The following MAP3K4 variants were observed in gnomAD, a reference collection of about 807,000 sequenced individuals.
MAP3K4 encodes the protein MAP three kinase 1.
In MAP3K4, 67 loss-of-function variants were observed where a neutral mutation model predicts 185.6. That is an observed-to-expected ratio of 0.36 (90% CI 0.30 to 0.44). MAP3K4 has a LOEUF of 0.44. MAP3K4 is among the 20% of genes least tolerant of loss of function. The pLI is 1.00. For missense variants in MAP3K4, 1,551 were observed against 1,995.1 expected (o/e 0.78, Z 4.24); for synonymous variants, 702 against 710.4 (o/e 0.99, Z 0.19).
chr6:161,055,586 A>T (rs1784194475), intron 3 of MAP3K4, among the ~76,000 whole-genome samples: 1 of 152,184 alleles, frequency 6.6e-6, no homozygotes, highest in Admixed American at 6.5e-5. Context: ...TGGATTTCCC[A>T]CTTTTTCTAA....
chr6:161,078,551 C>T (rs1022069281), intron 5 of MAP3K4, among the ~76,000 whole-genome samples: 6 of 152,174 alleles, frequency 3.9e-5, no homozygotes, highest in Non-Finnish European at 7.3e-5. Context: ...TTGAACAAAT[C>T]TCCTGGAAGG....
chr6:160,993,705 G>A (rs1008709037), intron 1 of MAP3K4, among the ~76,000 whole-genome samples: 3 of 150,128 alleles, frequency 2.0e-5, no homozygotes, highest in Admixed American at 6.7e-5. Flanking sequence ...AAATGAAAAT[G>A]TGCTGCAAAA....
chr6:161,049,430 C>G lies in MAP3K4; in HGVS notation c.1158C>G (p.Phe386Leu). 1 of 1,614,090 alleles carries G rather than the reference C, an allele frequency of 6.2e-7. No homozygotes were observed. Among genetic ancestry groups the G allele is most frequent in the Non-Finnish European group, 8.5e-7 (1 of 1,179,990 alleles). The change falls in exon 3 of 27, where the codon TTC becomes TTG. Residue 386 changes from phenylalanine to leucine, a missense_variant. By Grantham distance (22) the Phe-to-Leu change is conservative. This residue lies in a region of MAP3K4 where 93 missense variants were observed against 96.7 expected (regional missense o/e 0.96). Transcript: ENST00000392142. This position sits in a 1 kb window ranked among gnomAD's most constrained non-coding sequence, Gnocchi z 8.4. ...KDYEKYAAKD[F>L]QDRVQALCLW... ...ATGAAAAATATGCTGCAAAAGACTT[C>G]CAGGACAGGGTGCAGGCACTCTGTT...
chr6:161,006,836 T>C (rs1009892270), intron 1 of MAP3K4, among the ~76,000 whole-genome samples: 1 of 151,708 alleles, frequency 6.6e-6, no homozygotes, highest in African/African-American at 2.4e-5. Context: ...AAATGTAACA[T>C]TCTCCAGTCC....
chr6:160,992,037 C>A lies in MAP3K4; in HGVS notation c.106C>A (p.Pro36Thr). 1 of 1,573,744 alleles carries A rather than the reference C, an allele frequency of 6.4e-7. No individual in the cohort carries two copies. The highest frequency in any genetic ancestry group is 8.6e-7 in the Non-Finnish European group (1 of 1,166,618). The change falls in exon 1 of 27, where the codon CCG becomes ACG. Residue 36 changes from proline to threonine, a missense_variant. This residue lies in a region of MAP3K4 where 287 missense variants were observed against 268.8 expected (regional missense o/e 1.07). Coordinates refer to ENST00000392142, the MANE Select transcript of MAP3K4 (RefSeq NM_005922.4). ...ACCGCCGCCGCCGCCACCACCGCCA[C>A]CGGAACCCGAGACCGAGTCAGAACC... is the stretch of plus-strand genomic sequence containing the variant. Reference protein sequence around the residue: ...PPPPPPPPPPPEPETESEPEC... With the variant: ...PPPPPPPPPPTEPETESEPEC...
rs1012015697 is a variant in MAP3K4, at chr6:161,056,426, G to T, written c.1707+6447G>T. On this transcript the variant is annotated intron_variant, in intron 3 of 26. Coordinates refer to ENST00000392142, the MANE Select transcript of MAP3K4 (RefSeq NM_005922.4). This position sits in a 1 kb window ranked among gnomAD's most constrained non-coding sequence, Gnocchi z 5.4. ...GTCTTCTAACCTGTGTATACACACA[G>T]ATTTATAATTCCCTATCTAAAATAA... Among the ~76,000 whole-genome samples the T allele has an allele frequency of 1.3e-5, 2 of 152,186 alleles. No individual in the cohort carries two copies. The highest frequency in any genetic ancestry group is 2.4e-5 in the African/African-American group (1 of 41,438).
At chr6:161,068,631 C>T (rs559901136) in intron 3 of MAP3K4, among the ~76,000 whole-genome samples, 26 of 152,236 alleles carry the variant, frequency 1.7e-4, no homozygotes, top group African/African-American at 3.9e-4. Context: ...AGTGGATTGA[C>T]GCGTTGTAAT....
rs1457091484 is a variant in MAP3K4, at chr6:161,017,056, G to A, written c.153-17203G>A. On this transcript the variant is annotated intron_variant, in intron 1 of 26. Transcript: ENST00000392142. This position sits in a 1 kb window ranked among gnomAD's most constrained non-coding sequence, Gnocchi z 5.1. The stretch of plus-strand genomic sequence containing the variant: ...ATGATATATATCTCGGGAGTATAAT[G>A]CTTTACTAAAGGTCTTGTGTGCACT... 1.3e-5 allele frequency among the ~76,000 whole-genome samples: 2 copies of A among 151,950 alleles called. No individual in the cohort carries two copies. Among genetic ancestry groups the A allele is most frequent in the African/African-American group, 4.8e-5 (2 of 41,338 alleles).
rs1022584375 is a variant in MAP3K4, at chr6:161,043,565, T to C, written c.344-5051T>C. On this transcript the variant is annotated intron_variant, in intron 2 of 26. Transcript: ENST00000392142. This position sits in a 1 kb window ranked among gnomAD's most constrained non-coding sequence, Gnocchi z 4.3. Reference sequence around the variant, plus strand: ...CATGTGTCTAACCATCTGTGTTCTGTGATAATCTTCATCATCATGTTGTTA... The same window carrying C: ...CATGTGTCTAACCATCTGTGTTCTGCGATAATCTTCATCATCATGTTGTTA... Among the ~76,000 whole-genome samples, 2 of 152,220 alleles carry C rather than the reference T, an allele frequency of 1.3e-5. No homozygotes were observed. Among genetic ancestry groups the C allele is most frequent in the Non-Finnish European group, 2.9e-5 (2 of 68,042 alleles).
rs1785383727 is a variant in MAP3K4 at position 161,080,240 on chromosome 6, G to C, written c.2098-641G>C. Among the ~76,000 whole-genome samples, 1 of 152,194 alleles carries C rather than the reference G, an allele frequency of 6.6e-6. No individual in the cohort carries two copies. The highest frequency in any genetic ancestry group is 2.4e-5 in the African/African-American group (1 of 41,442). On this transcript the variant is annotated intron_variant, in intron 5 of 26. Transcript: ENST00000392142. The surrounding 1 kb of genome is among the most constrained non-coding windows in gnomAD (Gnocchi z 4.8). ...AGAAGGTGGCCATTGCAAACCTGTT[G>C]AGAAAAACTGCTTGATAGTTGAACC...
At chr6:161,102,151 G>A (rs1777865369) in intron 18 of MAP3K4, among the ~76,000 whole-genome samples, 159 bp downstream of exon 18, 1 of 152,188 alleles carries the variant, frequency 6.6e-6, no homozygotes, top group Non-Finnish European at 1.5e-5. Flanking sequence ...AGCTTTATGA[G>A]AAGACTTACT....
At chr6:161,050,778 A>G (rs1019530849) in intron 3 of MAP3K4, among the ~76,000 whole-genome samples, 6 of 152,188 alleles carry the variant, frequency 3.9e-5, no homozygotes, top group Non-Finnish European at 8.8e-5. Context: ...TTTTCTGGTG[A>G]GTTTGCATGT....
Position 161,082,004 on chromosome 6 carries a change from G to A in MAP3K4, c.2255+966G>A, listed in dbSNP as rs1054201808. On this transcript the variant is annotated intron_variant, in intron 6 of 26. Transcript: ENST00000392142. This position sits in a 1 kb window ranked among gnomAD's most constrained non-coding sequence, Gnocchi z 4.2. ...TCAGCGTGACTTCTGCAGGACTCTA[G>A]CTTTAGCTTTGTTCTTGACTCTGCC... Among the ~76,000 whole-genome samples, 1 of 151,932 alleles carries A rather than the reference G, an allele frequency of 6.6e-6. No homozygotes were observed. The highest frequency in any genetic ancestry group is 6.6e-5 in the Admixed American group (1 of 15,238).
intron 1 of MAP3K4, among the ~76,000 whole-genome samples, chr6:160,997,833 G>A (rs540939931): frequency 2.6e-5 from 4 of 152,206 alleles, no homozygotes; most frequent in South Asian, 4.1e-4. Flanking sequence ...AGGCCAATTA[G>A]GATTCTTTCC....
At chr6:161,065,802 G>A (rs1784680718) in intron 3 of MAP3K4, among the ~76,000 whole-genome samples, 1 of 152,028 alleles carries the variant, frequency 6.6e-6, no homozygotes, top group Non-Finnish European at 1.5e-5. Flanking sequence ...GTCTGGCGTG[G>A]TGGCGGGAGC....
chr6:161,111,810 G>C (rs1169138994), intron 23 of MAP3K4, 26 bp from the exon 24 acceptor site: 1 of 1,550,570 alleles, frequency 6.4e-7, no homozygotes, highest in Non-Finnish European at 8.7e-7. Context: ...CAGAGGCTGC[G>C]TAACAACTAC....
chr6:161,061,824 G>T lies in MAP3K4; in HGVS notation c.1708-8784G>T, dbSNP rs183974251. 6.6e-6 allele frequency among the ~76,000 whole-genome samples: 1 copy of T among 152,078 alleles called. No homozygotes were observed. The highest frequency in any genetic ancestry group is 6.5e-5 in the Admixed American group (1 of 15,268). On this transcript the variant is annotated intron_variant, in intron 3 of 26. Transcript: ENST00000392142. This position sits in a 1 kb window ranked among gnomAD's most constrained non-coding sequence, Gnocchi z 4.2. ...TTTTATGACTGAATAATATTCCATT[G>T]TATGGCTATACCACGTTTTGTTGAT... is the stretch of plus-strand genomic sequence containing the variant.
rs1196228928 is a variant in MAP3K4 at position 161,019,181 on chromosome 6, A to G, written c.153-15078A>G. On this transcript the variant is annotated intron_variant, in intron 1 of 26. Coordinates refer to ENST00000392142, the MANE Select transcript of MAP3K4 (RefSeq NM_005922.4). ...ATAAATGCTGTCAACCATAGATTCA[A>G]AAAGTTCAGTGAGTTTAAAGTAGGG... 2.0e-4 allele frequency among the ~76,000 whole-genome samples: 30 copies of G among 152,246 alleles called. 1 individual carries two copies. Among genetic ancestry groups the G allele is most frequent in the Non-Finnish European group, 4.4e-5 (3 of 68,038 alleles).
chr6:161,089,389 A>T lies in MAP3K4; in HGVS notation c.2891A>T (p.Gln964Leu), dbSNP rs774729715. The change falls in exon 11 of 27, where the codon CAG becomes CTG. Residue 964 changes from glutamine to leucine, a missense_variant. Transcript: ENST00000392142. The stretch of plus-strand genomic sequence containing the variant: ...ACAATTCAGAGAAAAGCTTTCCAGC[A>T]GTCCATTGAGGGACTTATGACTCTG... ...HLTIQRKAFQ[Q>L]SIEGLMTLCQ... The T allele has an allele frequency of 1.2e-6, 2 of 1,614,248 alleles. No homozygotes were observed. Among genetic ancestry groups the T allele is most frequent in the South Asian group, 1.1e-5 (1 of 91,084 alleles).
Sources: gnomAD v4.1 joint callset for allele counts (sites outside exome capture counted in the v4.1 genomes callset) on GRCh38, gnomAD v4.1.1 for gene constraint, gnomAD v4.1.1 regional missense constraint, Gnocchi (gnomAD v3.1) non-coding constraint, MANE v1.5 for transcripts, NCBI Gene and HGNC (gene_info 2026-07-23, HGNC 2026-07-21) for gene names.